The following PIEZO2 variants were observed in gnomAD, a reference collection of about 807,000 sequenced individuals.
PIEZO2 encodes the protein piezo-type mechanosensitive ion channel component 2.
In PIEZO2, 172 loss-of-function variants were observed where a neutral mutation model predicts 337.3. That is an observed-to-expected ratio of 0.51 (90% CI 0.45 to 0.58). The LOEUF (loss-of-function observed/expected upper bound fraction) is 0.58, where lower values mean the gene tolerates loss of function less well. PIEZO2 is among the 20% of genes least tolerant of loss of function. The probability of loss-of-function intolerance (pLI) is 0.00; values close to 1 mark genes in which losing one functional copy is unlikely to be tolerated. For missense variants in PIEZO2, 3,028 were observed against 3,391.3 expected (o/e 0.89, Z 2.66); for synonymous variants, 1,251 against 1,228.5 (o/e 1.02, Z -0.38).
In PIEZO2 at chr18:10,846,923, A is replaced by G. The variant is rs576140179; in HGVS notation, c.917+8430T>C. Among the ~76,000 whole-genome samples the G allele has an allele frequency of 2.6e-5, 4 of 152,174 alleles. No homozygotes were observed. Among genetic ancestry groups the G allele is most frequent in the Non-Finnish European group, 5.9e-5 (4 of 68,032 alleles). On this transcript the variant is annotated intron_variant, in intron 7 of 55. Coordinates refer to ENST00000674853, the MANE Select transcript of PIEZO2 (RefSeq NM_001378183.1). The surrounding 1 kb of genome is among the most constrained non-coding windows in gnomAD (Gnocchi z 4.1). The stretch of plus-strand genomic sequence containing the variant: ...TGGGGAAGTGAGTTTGAATAATAAA[A>G]ATATTTGATGACTACAACAATAAAA...
chr18:10,756,643 T>G (rs1245039423), intron 27 of PIEZO2, among the ~76,000 whole-genome samples: 35 of 94,144 alleles, frequency 3.7e-4, no homozygotes, highest in Admixed American at 4.9e-4. Flanking sequence ...GGAGGAGGGG[T>G]GGGGATGAGG....
Position 10,797,461 on chromosome 18 carries a change from T to C in PIEZO2, c.1440A>G (p.Glu480=). ...EEFEEERSRE[E]KRSIKVHAMV... ...TGGCATGAACTTTGATACTTCTTTTTTCCTCACGGCTCCTTTCTTCTTCAA... is the reference window on the plus strand; with the variant it reads ...TGGCATGAACTTTGATACTTCTTTTCTCCTCACGGCTCCTTTCTTCTTCAA... The change falls in exon 12 of 56, where the codon GAA becomes GAG. Residue 480 remains glutamate, a synonymous_variant. Transcript: ENST00000674853. The C allele has an allele frequency of 6.5e-7, 1 of 1,537,216 alleles. No homozygotes were observed. The highest frequency in any genetic ancestry group is 8.7e-7 in the Non-Finnish European group (1 of 1,146,896).
intron 7 of PIEZO2, among the ~76,000 whole-genome samples, chr18:10,844,779 A>T (rs2041302313): frequency 8.7e-6 from 1 of 114,976 alleles, no homozygotes; most frequent in South Asian, 3.8e-4. Flanking sequence ...ACAGAGGGAG[A>T]CTCTGTCTCA....
In PIEZO2 at chr18:10,863,567, G is replaced by A. The variant is rs2041930434; in HGVS notation, c.493-6356C>T. Among the ~76,000 whole-genome samples, 1 of 152,174 alleles carries A rather than the reference G, an allele frequency of 6.6e-6. No individual in the cohort carries two copies. Among genetic ancestry groups the A allele is most frequent in the South Asian group, 2.1e-4 (1 of 4,820 alleles). On this transcript the variant is annotated intron_variant, in intron 5 of 55. Transcript: ENST00000674853. This position sits in a 1 kb window ranked among gnomAD's most constrained non-coding sequence, Gnocchi z 4.3. ...GTGGCCAGTTAGACCAATGCCTAAA[G>A]GATCTGTGGAGCTTTGAAAAAACTA...
chr18:10,755,969 G>T (rs2037823983), intron 27 of PIEZO2, among the ~76,000 whole-genome samples: 1 of 149,408 alleles, frequency 6.7e-6, no homozygotes, highest in Non-Finnish European at 1.5e-5. Flanking sequence ...AGAGCTAGGG[G>T]ATGAGGAGGA....
intron 30 of PIEZO2, among the ~76,000 whole-genome samples, chr18:10,745,600 C>T (rs2143693773): frequency 6.6e-6 from 1 of 152,280 alleles, no homozygotes; most frequent in African/African-American, 2.4e-5. Context: ...CTTCCTCAGG[C>T]TCCTAAGGCA....
At chr18:10,961,302 G>A (rs566799352) in intron 3 of PIEZO2, among the ~76,000 whole-genome samples, 141 of 152,310 alleles carry the variant, frequency 9.3e-4, no homozygotes, top group African/African-American at 3.2e-3. Flanking sequence ...TATTCTAAGT[G>A]AAGTAAAGAA....
Position 10,715,675 on chromosome 18 carries a change from C to A in PIEZO2, c.5231G>T (p.Cys1744Phe). 1 of 1,535,184 alleles carries A rather than the reference C, an allele frequency of 6.5e-7. No individual in the cohort carries two copies. Among genetic ancestry groups the A allele is most frequent in the Non-Finnish European group, 8.7e-7 (1 of 1,146,176 alleles). The change falls in exon 38 of 56, where the codon TGC (cysteine) becomes TTC (phenylalanine). Residue 1744 changes from cysteine to phenylalanine, a missense_variant. Cys to Phe is a radical substitution (Grantham distance 205, BLOSUM62 -2). Transcript: ENST00000674853. The stretch of plus-strand genomic sequence containing the variant: ...CTTCTTAATTTCTCTGGTCAGCATG[C>A]ATCGTTCAATTCTCAGAACTGTAGA... ...DISTVLRIER[C>F]MLTREIKKGN...
chr18:10,731,557 T>G (rs1200221888), intron 35 of PIEZO2, 36 bp from the exon 36 acceptor site: 1 of 1,390,102 alleles, frequency 7.2e-7, no homozygotes, highest in Non-Finnish European at 9.5e-7. Flanking sequence ...TCTGGCCTTT[T>G]AATAATTTGA....
chr18:10,688,981 C>T (rs747012332), intron 49 of PIEZO2, among the ~76,000 whole-genome samples: 16 of 152,142 alleles, frequency 1.1e-4, no homozygotes, highest in East Asian at 3.8e-4. Context: ...ATGACTGTAA[C>T]GCTGAAATTC....
rs1944383 is a variant in PIEZO2 at position 10,680,107 on chromosome 18, C to T, written c.7952+92G>A. The T allele has an allele frequency of 0.8, 891,318 of 1,118,796 alleles. 362,309 individuals carry two copies. Among genetic ancestry groups the T allele is most frequent in the Non-Finnish European group, 0.83 (653,778 of 784,390 alleles). 69.3% of individuals were successfully genotyped at this position (1,118,796 alleles called of 1,614,324 possible). On this transcript the variant is annotated intron_variant, in intron 52 of 55. Transcript: ENST00000674853. ...GTAAGATCCACATCAATCTAAAGTTCCCATTCTTCCATCCCACCACACCCT... is the reference window on the plus strand; with the variant it reads ...GTAAGATCCACATCAATCTAAAGTTTCCATTCTTCCATCCCACCACACCCT...
At chr18:10,832,985 C>T (rs1046827939) in intron 7 of PIEZO2, among the ~76,000 whole-genome samples, 19 of 152,240 alleles carry the variant, frequency 1.2e-4, no homozygotes, top group Non-Finnish European at 2.6e-4. Flanking sequence ...ACTCTCCTCA[C>T]ACAGCTGCTC....
rs1694559324 is a variant in PIEZO2, at chr18:10,794,269, A to G, written c.1758+503T>C. Among the ~76,000 whole-genome samples, 1 of 152,226 alleles carries G rather than the reference A, an allele frequency of 6.6e-6. No individual in the cohort carries two copies. Among genetic ancestry groups the G allele is most frequent in the African/African-American group, 2.4e-5 (1 of 41,462 alleles). ...AACATTCTAACTCAGATAAGAACAT[A>G]TCATATAATCAGTAGAAGAAAAACA... is the stretch of plus-strand genomic sequence containing the variant. On this transcript the variant is annotated intron_variant, in intron 13 of 55. Transcript: ENST00000674853. This position sits in a 1 kb window ranked among gnomAD's most constrained non-coding sequence, Gnocchi z 6.6.
At position 10,759,702 on chromosome 18, in the gene PIEZO2, C is replaced by T. The variant is rs894576607; in HGVS notation, c.3655+3G>A. ...AGACGGCTCAAGGGAAGGGCAGGCT[C>T]ACCTCGGCAAGGAGCAGGTGGGATG... On this transcript the variant is annotated splice_donor_region_variant and intron_variant, in intron 25 of 55. Coordinates refer to ENST00000674853, the MANE Select transcript of PIEZO2 (RefSeq NM_001378183.1). This position sits in a 1 kb window ranked among gnomAD's most constrained non-coding sequence, Gnocchi z 5.5. 3 of 1,537,184 alleles carry T rather than the reference C, an allele frequency of 2.0e-6. No individual in the cohort carries two copies. The highest frequency in any genetic ancestry group is 2.6e-6 in the Non-Finnish European group (3 of 1,146,932).
At chr18:11,098,690 C>A (rs1350185237) in intron 1 of PIEZO2, among the ~76,000 whole-genome samples, 3 of 151,492 alleles carry the variant, frequency 2.0e-5, no homozygotes, top group African/African-American at 7.3e-5. Flanking sequence ...GTTTTGAAAG[C>A]CTGCCTATTA....
At chr18:10,871,758 A>T (rs2042145846) in intron 4 of PIEZO2, among the ~76,000 whole-genome samples, 3 of 152,260 alleles carry the variant, frequency 2.0e-5, no homozygotes, top group African/African-American at 4.8e-5. Context: ...CTAAAACTAA[A>T]TACATACTAG....
At position 10,794,677 on chromosome 18, in the gene PIEZO2, G is replaced by T; in HGVS notation, c.1758+95C>A. Reference sequence around the variant, plus strand: ...CATTTTTACAAAGCAGTGAATATTTGGAACCTGTTTTTATAAGGTTTCTCT... The same window carrying T: ...CATTTTTACAAAGCAGTGAATATTTTGAACCTGTTTTTATAAGGTTTCTCT... On this transcript the variant is annotated intron_variant, in intron 13 of 55. Coordinates refer to ENST00000674853, the MANE Select transcript of PIEZO2 (RefSeq NM_001378183.1). The surrounding 1 kb of genome is among the most constrained non-coding windows in gnomAD (Gnocchi z 6.6). 1 of 1,003,056 alleles carries T rather than the reference G, an allele frequency of 1.0e-6. No homozygotes were observed. The highest frequency in any genetic ancestry group is 1.4e-6 in the Non-Finnish European group (1 of 704,896). 62.1% of individuals were successfully genotyped at this position (1,003,056 alleles called of 1,614,324 possible).
intron 42 of PIEZO2, among the ~76,000 whole-genome samples, chr18:10,703,681 T>C (rs1024374121): frequency 6.6e-6 from 1 of 152,064 alleles, no homozygotes; most frequent in Non-Finnish European, 1.5e-5. Flanking sequence ...TATCGAGCTT[T>C]TTTTTTTAAA....
intron 7 of PIEZO2, among the ~76,000 whole-genome samples, chr18:10,812,682 T>G (rs1386155052): frequency 6.6e-6 from 1 of 152,152 alleles, no homozygotes; most frequent in African/African-American, 2.4e-5. Context: ...TCATTATAGC[T>G]GTCCCTCCAC....
Sources: gnomAD v4.1 joint callset for allele counts (sites outside exome capture counted in the v4.1 genomes callset) on GRCh38, gnomAD v4.1.1 for gene constraint, Gnocchi (gnomAD v3.1) non-coding constraint, MANE v1.5 for transcripts, NCBI Gene and HGNC (gene_info 2026-07-23, HGNC 2026-07-21) for gene names.